TLE4: variants seen among roughly 807,000 people sequenced by gnomAD.
TLE4 encodes the protein TLE family member 4, transcriptional corepressor.
Under a neutral mutation model 92.8 loss-of-function variants are expected in TLE4, and 8 were observed. The observed-to-expected ratio is 0.09, with a 90% CI of 0.05 to 0.16. The LOEUF is 0.16. TLE4 is among the 10% of genes least tolerant of loss of function. The pLI is 1.00. For missense variants in TLE4, 675 were observed against 997.6 expected (o/e 0.68, Z 4.36); for synonymous variants, 371 against 374.1 (o/e 0.99, Z 0.10).
At chr9:79,634,477 A>T (rs923606157) in intron 6 of TLE4, among the ~76,000 whole-genome samples, 1 of 152,208 alleles carries the variant, frequency 6.6e-6, no homozygotes, top group African/African-American at 2.4e-5. Flanking sequence ...CATTATTGAT[A>T]TTCTCTATTA....
intron 6 of TLE4, among the ~76,000 whole-genome samples, chr9:79,645,866 G>T (rs1281923174): frequency 6.6e-6 from 1 of 152,038 alleles, no homozygotes; most frequent in Non-Finnish European, 1.5e-5. Context: ...GATAAGAGAG[G>T]TTTTTATTTA....
intron 2 of TLE4, 97 bp downstream of exon 2, chr9:79,573,883 G>C: frequency 1.2e-6 from 1 of 827,546 alleles, no homozygotes; most frequent in Non-Finnish European, 1.7e-6. Context: ...TTTTGTGGGG[G>C]CGTCACAAAG....
At chr9:79,695,983 T>A (rs914715) in intron 8 of TLE4, among the ~76,000 whole-genome samples, 146,032 of 152,262 alleles carry the variant, frequency 0.96, 70,065 homozygotes, top group East Asian at 1. Flanking sequence ...GTTTGTCTTA[T>A]TGGGTGTTGA....
At chr9:79,707,013 GTA>G in intron 11 of TLE4, 114 bp downstream of exon 11, 5 of 1,561,998 alleles carry the variant, frequency 3.2e-6, no homozygotes, top group Non-Finnish European at 4.4e-6. Flanking sequence ...ATTTCCAAAT[GTA>G]TATATGTTCG....
At chr9:79,616,490 G>A (rs745309237) in intron 5 of TLE4, among the ~76,000 whole-genome samples, 1 of 152,116 alleles carries the variant, frequency 6.6e-6, no homozygotes, top group Non-Finnish European at 1.5e-5. Flanking sequence ...GCTAGAACCA[G>A]CCCTCCCTCC....
Position 79,718,767 on chromosome 9 carries a change from C to T in TLE4, c.1386C>T (p.Val462=), listed in dbSNP as rs1052229032. ...GCGCAGATGGTCAGATGCAGCCTGT[C>T]CCTTTTCCACCCGACGCCCTCATCG... is the stretch of plus-strand genomic sequence containing the variant. ...HVSADGQMQP[V]PFPPDALIGP... The change falls in exon 15 of 20, where the codon GTC becomes GTT. Residue 462 remains valine (V), a synonymous_variant. Coordinates refer to ENST00000376552, the MANE Select transcript of TLE4 (RefSeq NM_007005.6). The T allele has an allele frequency of 2.5e-6, 4 of 1,614,054 alleles. No individual in the cohort carries two copies. The African/African-American group carries it at 4.0e-5, about 16-fold the overall frequency.
At chr9:79,692,914 C>T (rs1250677494) in intron 8 of TLE4, among the ~76,000 whole-genome samples, 1 of 152,196 alleles carries the variant, frequency 6.6e-6, no homozygotes, top group African/African-American at 2.4e-5. Flanking sequence ...CAGTGACAAT[C>T]CTGTAGGCGA....
At chr9:79,629,591 C>G (rs981029588) in intron 6 of TLE4, among the ~76,000 whole-genome samples, 1 of 152,138 alleles carries the variant, frequency 6.6e-6, no homozygotes, top group Non-Finnish European at 1.5e-5. Flanking sequence ...GCTATCAACG[C>G]GGCATATACT....
chr9:79,674,634 A>T (rs2062959953), intron 8 of TLE4, among the ~76,000 whole-genome samples: 1 of 152,066 alleles, frequency 6.6e-6, no homozygotes, highest in East Asian at 1.9e-4. Flanking sequence ...TGCTGTTGTG[A>T]TGTGTTCTTT....
chr9:79,721,899 T>C lies in TLE4; in HGVS notation c.1986+11T>C, dbSNP rs746714805. The stretch of plus-strand genomic sequence containing the variant: ...GACTTCACCTCCCAGGTATGATCCG[T>C]GGCTGAGGCATTTTAAAGATACGGT... On this transcript the variant is annotated intron_variant, in intron 17 of 19. Coordinates refer to ENST00000376552, the MANE Select transcript of TLE4 (RefSeq NM_007005.6). 1 of 1,604,366 alleles carries C rather than the reference T, an allele frequency of 6.2e-7. No homozygotes were observed. Among genetic ancestry groups the C allele is most frequent in the Non-Finnish European group, 8.5e-7 (1 of 1,175,704 alleles).
chr9:79,704,688 G>C, intron 8 of TLE4, 95 bp from the exon 9 acceptor site: 1 of 1,505,662 alleles, frequency 6.6e-7, no homozygotes, highest in South Asian at 1.3e-5. Flanking sequence ...ATATGCTAAA[G>C]AATAAAAAGA....
At position 79,726,477 on chromosome 9, in the gene TLE4, A is replaced by G. The variant is rs1344911077; in HGVS notation, c.*1333A>G. 6.5e-6 allele frequency: 1 copy of G among 152,768 alleles called. No individual in the cohort carries two copies. The highest frequency in any genetic ancestry group is 1.9e-4 in the East Asian group (1 of 5,184). 9.5% of individuals were successfully genotyped at this position (152,768 alleles called of 1,614,324 possible). A position where few individuals can be genotyped will look rare whatever the true frequency, so the allele number is the denominator to read the frequency against. ...TAAGTAGAAAATTACTTAATTTCATACTAGAAATGGATGGATGCTGCAAGT... is the reference window on the plus strand; with the variant it reads ...TAAGTAGAAAATTACTTAATTTCATGCTAGAAATGGATGGATGCTGCAAGT... On this transcript the variant is annotated 3_prime_UTR_variant, in exon 20 of 20. Transcript: ENST00000376552.
intron 8 of TLE4, among the ~76,000 whole-genome samples, chr9:79,692,239 A>G (rs1229763827): frequency 6.6e-6 from 1 of 152,214 alleles, no homozygotes; most frequent in African/African-American, 2.4e-5. Flanking sequence ...AGTTGGAGGA[A>G]GAGCGCGACT....
At chr9:79,673,521 G>A (rs1164791900) in intron 8 of TLE4, among the ~76,000 whole-genome samples, 1 of 152,078 alleles carries the variant, frequency 6.6e-6, no homozygotes, top group Non-Finnish European at 1.5e-5. Flanking sequence ...GGAACTATAT[G>A]ATTTTAAAAG....
chr9:79,708,753 C>CGCTGCT lies in TLE4; in HGVS notation c.1239_1244dup (p.Ala414_Ala415dup). Reference sequence around the variant, plus strand: ...AGATGAGCGCAGCTGCTGCCGCCGCCGCTGCTGCTGCTGCCTATGGGAGAT... The same window carrying CGCTGCT: ...AGATGAGCGCAGCTGCTGCCGCCGCCGCTGCTGCTGCTGCTGCTGCCTATGGGAGAT... On this transcript the variant is annotated inframe_insertion, in exon 13 of 20. Coordinates refer to ENST00000376552, the MANE Select transcript of TLE4 (RefSeq NM_007005.6). The CGCTGCT allele has an allele frequency of 6.2e-7, 1 of 1,608,312 alleles. No individual in the cohort carries two copies.
intron 5 of TLE4, among the ~76,000 whole-genome samples, chr9:79,618,544 G>A (rs1333250538): frequency 1.3e-5 from 2 of 152,200 alleles, no homozygotes; most frequent in African/African-American, 4.8e-5. Context: ...TACCTTTAGA[G>A]AAATGGCATT....
At chr9:79,622,595 A>G (rs748090136) in intron 5 of TLE4, among the ~76,000 whole-genome samples, 2 of 152,184 alleles carry the variant, frequency 1.3e-5, no homozygotes, top group Non-Finnish European at 2.9e-5. Flanking sequence ...AGTTGTAATT[A>G]TAGAGCCTTT....
chr9:79,619,879 T>C (rs1393802609), intron 5 of TLE4, among the ~76,000 whole-genome samples: 4 of 152,232 alleles, frequency 2.6e-5, no homozygotes, highest in African/African-American at 4.8e-5. Flanking sequence ...CTCATAATAC[T>C]GAATGAGCCA....
chr9:79,676,449 A>G (rs1019866263), intron 8 of TLE4, among the ~76,000 whole-genome samples: 1 of 152,136 alleles, frequency 6.6e-6, no homozygotes, highest in African/African-American at 2.4e-5. Flanking sequence ...TAACACTGGA[A>G]TCAAGTTTTC....
Sources: gnomAD v4.1 joint callset for allele counts (sites outside exome capture counted in the v4.1 genomes callset) on GRCh38, gnomAD v4.1.1 for gene constraint, MANE v1.5 for transcripts, NCBI Gene and HGNC (gene_info 2026-07-23, HGNC 2026-07-21) for gene names.